PHLPP1: variants seen among roughly 807,000 people sequenced by gnomAD.
The protein encoded by PHLPP1 is PH domain and leucine rich repeat protein phosphatase 1, also known as PH domain leucine-rich repeat-containing protein phosphatase 1.
Under a neutral mutation model 117.2 loss-of-function variants are expected in PHLPP1, and 42 were observed. That is an observed-to-expected ratio of 0.36 (90% confidence interval 0.28 to 0.46). The LOEUF is 0.46. Among genes scored for constraint, PHLPP1 ranks in the 20% least tolerant of loss-of-function variants. The pLI is 1.00. For missense variants in PHLPP1, 2,084 were observed against 2,241.9 expected (o/e 0.93, Z 1.42); for synonymous variants, 1,042 against 970.7 (o/e 1.07, Z -1.37).
chr18:62,764,178 A>G (rs993607740), intron 1 of PHLPP1, among the ~76,000 whole-genome samples: 2 of 150,868 alleles, frequency 1.3e-5, no homozygotes, highest in Non-Finnish European at 3.0e-5. Flanking sequence ...AAAAAAAAAA[A>G]AAAAACAACA....
rs116487517 is a variant in PHLPP1 at position 62,962,006 on chromosome 18, G to A, written c.3456-1362G>A. On this transcript the variant is annotated intron_variant, in intron 13 of 16. Transcript: ENST00000262719. ...AGGATATACAGTATTTGTTAGATTT[G>A]GGAGTAATGAGTACCAACAGATAAT... is the stretch of plus-strand genomic sequence containing the variant. 4.4e-3 allele frequency among the ~76,000 whole-genome samples: 664 copies of A among 152,308 alleles called. 9 individuals carry two copies. The highest frequency in any genetic ancestry group is 0.015 in the African/African-American group (641 of 41,562).
In PHLPP1 at chr18:62,829,635, C is replaced by G. The variant is rs148381192; in HGVS notation, c.1577-400C>G. Among the ~76,000 whole-genome samples the G allele has an allele frequency of 7.3e-4, 111 of 152,136 alleles. No homozygotes were observed. In the East Asian group the frequency reaches 0.02, roughly 27 times the overall value. On this transcript the variant is annotated intron_variant, in intron 1 of 16. Transcript: ENST00000262719. ...CGTGTGGTGGCCGGCACCTGTAGTC[C>G]CAGCTACATGGGAGGCTGAGGCAGG...
intron 1 of PHLPP1, among the ~76,000 whole-genome samples, chr18:62,769,087 C>T (rs1165113667): frequency 6.6e-6 from 1 of 152,150 alleles, no homozygotes; most frequent in Non-Finnish European, 1.5e-5. Context: ...AAAAGAATAA[C>T]TCTGATATCT....
chr18:62,769,094 A>G (rs1481782848), intron 1 of PHLPP1, among the ~76,000 whole-genome samples: 1 of 152,232 alleles, frequency 6.6e-6, no homozygotes, highest in Non-Finnish European at 1.5e-5. Context: ...TAACTCTGAT[A>G]TCTAGAAATT....
At chr18:62,936,210 AT>A (rs1361834757) in intron 10 of PHLPP1, among the ~76,000 whole-genome samples, 1 of 152,212 alleles carries the variant, frequency 6.6e-6, no homozygotes, top group African/African-American at 2.4e-5. Context: ...CAGTGGCCAC[AT>A]TTGGGACAAC....
intron 1 of PHLPP1, among the ~76,000 whole-genome samples, chr18:62,718,724 T>C (rs1338159537): frequency 1.3e-5 from 2 of 152,192 alleles, no homozygotes; most frequent in Non-Finnish European, 2.9e-5. Context: ...TTGTAAAATA[T>C]TGTTATTTTA....
At chr18:62,834,779 A>G (rs1914846729) in intron 2 of PHLPP1, among the ~76,000 whole-genome samples, 1 of 152,188 alleles carries the variant, frequency 6.6e-6, no homozygotes, top group South Asian at 2.1e-4. Context: ...CACGGCAACC[A>G]GGATAGTGAC....
chr18:62,883,884 T>C (rs1393314786), intron 4 of PHLPP1, among the ~76,000 whole-genome samples: 1 of 152,204 alleles, frequency 6.6e-6, no homozygotes, highest in Non-Finnish European at 1.5e-5. Flanking sequence ...TGCCATCACA[T>C]GAGTCAATTA....
chr18:62,748,553 G>A (rs563753578), intron 1 of PHLPP1, among the ~76,000 whole-genome samples: 25 of 152,136 alleles, frequency 1.6e-4, no homozygotes, highest in African/African-American at 4.8e-4. Flanking sequence ...GCCCAAATTC[G>A]GAATAGTTAT....
intron 1 of PHLPP1, 146 bp downstream of exon 1, chr18:62,717,405 A>G: frequency 9.4e-7 from 1 of 1,065,816 alleles, no homozygotes; most frequent in Non-Finnish European, 1.3e-6. Context: ...TTTTTCATAC[A>G]GTCTGTGTAG....
intron 12 of PHLPP1, among the ~76,000 whole-genome samples, chr18:62,951,572 C>G (rs892032094): frequency 1.3e-5 from 2 of 152,170 alleles, no homozygotes; most frequent in Non-Finnish European, 2.9e-5. Flanking sequence ...TGCACTCACG[C>G]ACCCAGAAAT....
intron 10 of PHLPP1, among the ~76,000 whole-genome samples, chr18:62,932,824 T>TA (rs1316661210): frequency 6.6e-6 from 1 of 152,066 alleles, no homozygotes; most frequent in Non-Finnish European, 1.5e-5. Context: ...GAAATCAAAT[T>TA]ATCCGTTCGT....
intron 1 of PHLPP1, among the ~76,000 whole-genome samples, chr18:62,753,838 T>C (rs1055417892): frequency 4.6e-5 from 7 of 152,338 alleles, no homozygotes; most frequent in Non-Finnish European, 8.8e-5. Context: ...ATTGACTGTT[T>C]TGTAAGATTT....
At chr18:62,722,771 A>G (rs1041397923) in intron 1 of PHLPP1, among the ~76,000 whole-genome samples, 5 of 152,240 alleles carry the variant, frequency 3.3e-5, no homozygotes, top group Non-Finnish European at 2.9e-5. Flanking sequence ...AACTTATGAT[A>G]AATTGAAACT....
chr18:62,916,332 T>A (rs981736193), intron 9 of PHLPP1, among the ~76,000 whole-genome samples: 13 of 151,592 alleles, frequency 8.6e-5, no homozygotes, highest in African/African-American at 2.7e-4. Flanking sequence ...ATTCATTTAC[T>A]TGTTCTTTTA....
intron 1 of PHLPP1, among the ~76,000 whole-genome samples, chr18:62,826,431 G>A (rs772988596): frequency 2.6e-5 from 4 of 152,138 alleles, no homozygotes; most frequent in African/African-American, 9.7e-5. Flanking sequence ...CTAGGGCTGC[G>A]GTAGTAGACA....
At chr18:62,780,631 C>T (rs1300857052) in intron 1 of PHLPP1, among the ~76,000 whole-genome samples, 1 of 152,200 alleles carries the variant, frequency 6.6e-6, no homozygotes, top group Admixed American at 6.5e-5. Context: ...TTGCTGCTCC[C>T]CACCCTGAGT....
intron 1 of PHLPP1, among the ~76,000 whole-genome samples, chr18:62,828,718 A>G (rs767954571): frequency 3.3e-5 from 5 of 152,190 alleles, no homozygotes; most frequent in Admixed American, 6.5e-5. Context: ...GACATGTATC[A>G]AAACCACTTG....
chr18:62,848,676 C>A (rs1328339011), intron 3 of PHLPP1, among the ~76,000 whole-genome samples: 1 of 152,130 alleles, frequency 6.6e-6, no homozygotes, highest in East Asian at 1.9e-4. Flanking sequence ...GTTGCCGAGG[C>A]TGGCCTTGAG....
Sources: gnomAD v4.1 joint callset for allele counts (sites outside exome capture counted in the v4.1 genomes callset) on GRCh38, gnomAD v4.1.1 for gene constraint, MANE v1.5 for transcripts, NCBI Gene and HGNC (gene_info 2026-07-23, HGNC 2026-07-21) for gene names.